The following SAMD5 variants were observed in gnomAD, a reference collection of about 807,000 sequenced individuals.
SAMD5 encodes sterile alpha motif domain-containing protein 5.
SAMD5 carries 13 observed loss-of-function variants against 11.3 expected under a neutral mutation model. That is an observed-to-expected ratio of 1.15 (90% confidence interval 0.75 to 1.83). SAMD5 has a LOEUF of 1.83. SAMD5 is among the 40% of genes most tolerant of loss of function. The pLI, the probability that SAMD5 is intolerant of heterozygous loss-of-function variation, is 0.00. For missense variants in SAMD5, 255 were observed against 239.1 expected (o/e 1.07, Z -0.44); for synonymous variants, 129 against 111.3 (o/e 1.16, Z -1.00).
At chr6:147,902,440 G>T in the SAMD5 span, among the ~76,000 whole-genome samples, 1 of 151,842 alleles carries the variant, frequency 6.6e-6, no homozygotes. Flanking sequence ...AGGAACACAT[G>T]GTAATGAAAT....
At chr6:147,758,258 A>T in the SAMD5 span, among the ~76,000 whole-genome samples, 2 of 152,372 alleles carry the variant, frequency 1.3e-5, no homozygotes, top group South Asian at 4.1e-4. Flanking sequence ...AATCACTGTC[A>T]TGATCCATAC....
chr6:147,553,844 T>C (rs1226957879), intron 1 of SAMD5, among the ~76,000 whole-genome samples: 2 of 152,118 alleles, frequency 1.3e-5, no homozygotes, highest in East Asian at 1.9e-4. Flanking sequence ...GTTTTTTTTT[T>C]CTGAAAAGTC....
the SAMD5 span, among the ~76,000 whole-genome samples, chr6:147,871,772 C>T: frequency 2.0e-5 from 3 of 152,128 alleles, no homozygotes; most frequent in Non-Finnish European, 2.9e-5. Flanking sequence ...TTGATTACAC[C>T]GTTCAAAAAT....
At chr6:147,681,817 G>C (rs1790944363) in intron 1 of SAMD5, among the ~76,000 whole-genome samples, 1 of 152,118 alleles carries the variant, frequency 6.6e-6, no homozygotes, top group Admixed American at 6.5e-5. Context: ...GAACTCTTCT[G>C]AGCACTGAAC....
the SAMD5 span, among the ~76,000 whole-genome samples, chr6:147,914,469 G>A: frequency 1.4e-3 from 217 of 152,260 alleles, no homozygotes; most frequent in African/African-American, 5.0e-3. Flanking sequence ...TGGAAAAAAG[G>A]AGGAATTCAT....
intron 1 of SAMD5, among the ~76,000 whole-genome samples, chr6:147,536,041 T>C (rs2128441569): frequency 6.6e-6 from 1 of 152,138 alleles, no homozygotes; most frequent in South Asian, 2.1e-4. Flanking sequence ...TGGAGTGCAG[T>C]GGCACGATCT....
chr6:147,540,084 T>C (rs958661196), intron 1 of SAMD5, among the ~76,000 whole-genome samples: 3 of 152,306 alleles, frequency 2.0e-5, no homozygotes, highest in Admixed American at 6.5e-5. Flanking sequence ...TTTCTTTTTT[T>C]TCTCTCTCTT....
At chr6:147,710,298 C>T (rs572836132) in intron 1 of SAMD5, among the ~76,000 whole-genome samples, 63 of 152,294 alleles carry the variant, frequency 4.1e-4, no homozygotes, top group African/African-American at 1.4e-3. Context: ...ACACTTACCC[C>T]GCCCTTATTC....
Position 147,508,990 on chromosome 6 carries a change from C to T in SAMD5, c.62C>T (p.Ser21Phe), listed in dbSNP as rs376324781. 6.2e-7 allele frequency: 1 copy of T among 1,601,660 alleles called. No individual in the cohort carries two copies. The highest frequency in any genetic ancestry group is 1.3e-5 in the African/African-American group (1 of 74,262). ...KALQLPQYAE[S>F]FVDNGYDDLE... The stretch of plus-strand genomic sequence containing the variant: ...CTGCAGCTTCCGCAGTACGCGGAGT[C>T]CTTCGTGGATAACGGCTACGATGAC... Residue 21 changes from serine (S) to phenylalanine (F), a missense_variant, in exon 1 of 2, where the codon TCC (serine) becomes TTC (phenylalanine). Coordinates refer to ENST00000367474, the MANE Select transcript of SAMD5 (RefSeq NM_001030060.3).
intron 1 of SAMD5, among the ~76,000 whole-genome samples, chr6:147,685,425 C>T (rs1790995407): frequency 6.6e-6 from 1 of 152,198 alleles, no homozygotes; most frequent in Non-Finnish European, 1.5e-5. Context: ...CCACCCACCT[C>T]AGCCTCCCAA....
At chr6:147,951,657 A>G in the SAMD5 span, among the ~76,000 whole-genome samples, 284 of 152,126 alleles carry the variant, frequency 1.9e-3, 2 homozygotes, top group African/African-American at 6.2e-3. Flanking sequence ...TAAAAATGAT[A>G]TTTATTTTAT....
intron 1 of SAMD5, among the ~76,000 whole-genome samples, chr6:147,596,003 AG>A (rs1393896689): frequency 2.6e-5 from 4 of 152,296 alleles, no homozygotes; most frequent in African/African-American, 7.2e-5. Context: ...TGTGCTAGCC[AG>A]GGATATCAAT....
intron 1 of SAMD5, among the ~76,000 whole-genome samples, chr6:147,575,421 G>C (rs970210950): frequency 6.6e-6 from 1 of 152,328 alleles, no homozygotes; most frequent in East Asian, 1.9e-4. Flanking sequence ...TCAAATGTGG[G>C]TTGCAGCTCT....
intron 1 of SAMD5, among the ~76,000 whole-genome samples, chr6:147,663,651 G>A (rs373599117): frequency 6.6e-6 from 1 of 151,558 alleles, no homozygotes; most frequent in African/African-American, 2.4e-5. Flanking sequence ...AATTAGCCAG[G>A]TGTGGTGGTG....
At chr6:147,838,535 C>CG in the SAMD5 span, among the ~76,000 whole-genome samples, 4 of 142,894 alleles carry the variant, frequency 2.8e-5, no homozygotes, top group Non-Finnish European at 4.6e-5. Flanking sequence ...TATCCTGCCC[C>CG]CCCCCCGTAG....
chr6:147,878,567 C>A, the SAMD5 span, among the ~76,000 whole-genome samples: 1 of 144,200 alleles, frequency 6.9e-6, no homozygotes, highest in Admixed American at 6.9e-5. Flanking sequence ...GATATATATA[C>A]TAGATATATC....
the SAMD5 span, among the ~76,000 whole-genome samples, chr6:147,905,726 T>C: frequency 2.0e-5 from 3 of 152,218 alleles, no homozygotes; most frequent in South Asian, 2.1e-4. Context: ...AGAAAATTAA[T>C]TGATTTCAGA....
intron 1 of SAMD5, among the ~76,000 whole-genome samples, chr6:147,654,110 C>A (rs1031365522): frequency 6.6e-6 from 1 of 152,004 alleles, no homozygotes; most frequent in East Asian, 1.9e-4. Flanking sequence ...TACTTGTGCA[C>A]GCTTTCTCCT....
intron 1 of SAMD5, among the ~76,000 whole-genome samples, chr6:147,719,927 C>T (rs1022035048): frequency 6.6e-6 from 1 of 152,166 alleles, no homozygotes; most frequent in South Asian, 2.1e-4. Flanking sequence ...CATGCTTATC[C>T]CTAATGCCTG....
Sources: gnomAD v4.1 joint callset for allele counts (sites outside exome capture counted in the v4.1 genomes callset) on GRCh38, gnomAD v4.1.1 for gene constraint, MANE v1.5 for transcripts, NCBI Gene and HGNC (gene_info 2026-07-23, HGNC 2026-07-21) for gene names.